SLC14A2: variants seen among roughly 807,000 people sequenced by gnomAD.
SLC14A2 encodes urea transporter 2.
In SLC14A2, 91 loss-of-function variants were observed where a neutral mutation model predicts 104.6. The ratio of observed to expected loss-of-function variants is 0.87; its 90% confidence interval spans 0.73 to 1.04. The LOEUF is 1.04. SLC14A2 is among the 50% of genes least tolerant of loss of function. SLC14A2 has a pLI of 0.00. For missense variants in SLC14A2, 1,189 were observed against 1,156.0 expected (o/e 1.03, Z -0.41); for synonymous variants, 476 against 466.4 (o/e 1.02, Z -0.27).
chr18:45,176,034 C>T, the SLC14A2 span, among the ~76,000 whole-genome samples: 1 of 152,138 alleles, frequency 6.6e-6, no homozygotes, highest in Non-Finnish European at 1.5e-5. Context: ...AGAATATATC[C>T]TTGCAACCAG....
Position 45,628,313 on chromosome 18 carries a change from G to A in SLC14A2, c.521+1166G>A, listed in dbSNP as rs541848048. On this transcript the variant is annotated intron_variant, in intron 4 of 19. Transcript: ENST00000255226. ...ACAAAAGTTAGCTGGGCGTGGTGGC[G>A]CTTGCCTGTTGTCCCAGCTACTTGG... Among the ~76,000 whole-genome samples the A allele has an allele frequency of 5.9e-5, 9 of 152,014 alleles. No homozygotes were observed. The South Asian group carries it at 8.3e-4, about 14-fold the overall frequency.
chr18:45,214,399 A>C (rs1041964718), intron 1 of SLC14A2, among the ~76,000 whole-genome samples: 3 of 152,178 alleles, frequency 2.0e-5, no homozygotes, highest in African/African-American at 7.2e-5. Flanking sequence ...AGAGGGAGGA[A>C]AGGAAAGCCC....
chr18:45,499,937 C>T (rs557939097), intron 2 of SLC14A2, among the ~76,000 whole-genome samples: 3 of 152,324 alleles, frequency 2.0e-5, no homozygotes, highest in East Asian at 3.9e-4. Context: ...ATTAATTGAA[C>T]TCTGTGAGCC....
intron 1 of SLC14A2, among the ~76,000 whole-genome samples, chr18:45,431,498 G>A (rs1445192985): frequency 6.6e-6 from 1 of 152,174 alleles, no homozygotes; most frequent in African/African-American, 2.4e-5. Flanking sequence ...GCAGTGCCTA[G>A]CATATGGTAT....
At chr18:45,507,060 C>T (rs973264178) in intron 2 of SLC14A2, 5 of 152,202 alleles carry the variant, frequency 3.3e-5, no homozygotes, top group Non-Finnish European at 7.3e-5. Flanking sequence ...AGGACAAGGT[C>T]TACGAATCCC....
chr18:45,264,717 A>C (rs991188231), intron 1 of SLC14A2, among the ~76,000 whole-genome samples: 2 of 152,176 alleles, frequency 1.3e-5, no homozygotes, highest in African/African-American at 4.8e-5. Flanking sequence ...CACGAGAAAA[A>C]TATGGAGGAA....
rs933185059 is a variant in SLC14A2, at chr18:45,624,705, T to C, written c.41T>C (p.Leu14Pro). 47 of 1,613,268 alleles carry C rather than the reference T, an allele frequency of 2.9e-5. No individual in the cohort carries two copies. Among genetic ancestry groups the C allele is most frequent in the Non-Finnish European group, 4.0e-5 (47 of 1,179,660 alleles). ...PHSSPLLPEP[L>P]SSRYKLYEAE... ...AGCAGTCCTCTCCTGCCAGAGCCAC[T>C]TTCCAGCAGATACAAACTCTACGAG... The change falls in exon 2 of 20, where the codon CTT becomes CCT. Residue 14 changes from leucine to proline, a missense_variant. Leu to Pro is a moderately conservative substitution (Grantham distance 98). Coordinates refer to ENST00000255226, the MANE Select transcript of SLC14A2 (RefSeq NM_007163.4).
At chr18:45,537,979 A>G (rs1301501080) in intron 2 of SLC14A2, among the ~76,000 whole-genome samples, 1 of 152,158 alleles carries the variant, frequency 6.6e-6, no homozygotes, top group Non-Finnish European at 1.5e-5. Context: ...TTATCACTGC[A>G]TAATACATTA....
At chr18:45,221,635 A>C (rs796955432) in intron 1 of SLC14A2, among the ~76,000 whole-genome samples, 129 of 152,292 alleles carry the variant, frequency 8.5e-4, no homozygotes, top group African/African-American at 3.1e-3. Flanking sequence ...ACAGATACTC[A>C]ATGTGTCATT....
intron 2 of SLC14A2, among the ~76,000 whole-genome samples, chr18:45,512,919 T>A (rs1405023118): frequency 6.6e-6 from 1 of 152,160 alleles, no homozygotes; most frequent in Non-Finnish European, 1.5e-5. Context: ...GTCAGTAACT[T>A]GCAGGTAAAT....
intron 1 of SLC14A2, among the ~76,000 whole-genome samples, chr18:45,376,885 T>C (rs1200879608): frequency 2.0e-5 from 3 of 152,214 alleles, no homozygotes; most frequent in Non-Finnish European, 4.4e-5. Context: ...CTCTTGCTCA[T>C]ACTTTTCACC....
At chr18:45,256,077 T>G (rs1341323123) in intron 1 of SLC14A2, among the ~76,000 whole-genome samples, 1 of 152,218 alleles carries the variant, frequency 6.6e-6, no homozygotes, top group African/African-American at 2.4e-5. Flanking sequence ...CTCAGCGTTC[T>G]GGAGGTGCCG....
chr18:45,288,706 T>C (rs2084839884), intron 1 of SLC14A2, among the ~76,000 whole-genome samples: 1 of 152,212 alleles, frequency 6.6e-6, no homozygotes, highest in Non-Finnish European at 1.5e-5. Flanking sequence ...TCAACTGAGA[T>C]AATTCTTCAG....
intron 1 of SLC14A2, among the ~76,000 whole-genome samples, chr18:45,387,842 T>G (rs1208899752): frequency 6.6e-6 from 1 of 152,050 alleles, no homozygotes; most frequent in Non-Finnish European, 1.5e-5. Context: ...GGAAGAAAAT[T>G]GAGGCTATTT....
At chr18:45,626,927 C>A in intron 3 of SLC14A2, 31 bp from the exon 4 acceptor site, 2 of 1,588,844 alleles carry the variant, frequency 1.3e-6, no homozygotes, top group South Asian at 1.1e-5. Context: ...CAAGCTGGAC[C>A]TGCTGATGGC....
chr18:45,457,289 G>C (rs1229008791), intron 1 of SLC14A2, among the ~76,000 whole-genome samples: 2 of 152,080 alleles, frequency 1.3e-5, no homozygotes, highest in Non-Finnish European at 2.9e-5. Context: ...GCTGGACAAT[G>C]GTTCCTGAAA....
chr18:45,209,132 C>T (rs1196284739), upstream of SLC14A2, among the ~76,000 whole-genome samples: 2 of 143,258 alleles, frequency 1.4e-5, no homozygotes, highest in South Asian at 2.2e-4. Context: ...GTCAGTAGAT[C>T]GAGACCACAC....
At chr18:45,206,284 A>T in the SLC14A2 span, among the ~76,000 whole-genome samples, 1 of 152,122 alleles carries the variant, frequency 6.6e-6, no homozygotes, top group Non-Finnish European at 1.5e-5. Context: ...GTAATCCTGA[A>T]AATCTGAAAG....
At chr18:45,658,528 C>T (rs12455511) in intron 10 of SLC14A2, among the ~76,000 whole-genome samples, 42,351 of 151,530 alleles carry the variant, frequency 0.28, 6,981 homozygotes, top group Middle Eastern at 0.4. Flanking sequence ...TTGCAGTGAG[C>T]CGAGATCATG....
Sources: gnomAD v4.1 joint callset for allele counts (sites outside exome capture counted in the v4.1 genomes callset) on GRCh38, gnomAD v4.1.1 for gene constraint, MANE v1.5 for transcripts, NCBI Gene and HGNC (gene_info 2026-07-23, HGNC 2026-07-21) for gene names.